The following CSGALNACT1 variants were observed in gnomAD, a reference collection of about 807,000 sequenced individuals.
The protein encoded by CSGALNACT1 is beta4GalNAcT-1.
CSGALNACT1 carries 52 observed loss-of-function variants against 51.0 expected under a neutral mutation model. That is an observed-to-expected ratio of 1.02 (90% CI 0.82 to 1.29). The LOEUF is 1.29. Ranked by LOEUF, CSGALNACT1 falls within the 50% of genes most tolerant of loss-of-function variation. The probability of loss-of-function intolerance (pLI) is 0.00; values close to 1 mark genes in which losing one functional copy is unlikely to be tolerated. For synonymous variants in CSGALNACT1, 341 were observed against 254.4 expected (o/e 1.34, Z -3.24); for missense variants, 935 against 679.2 (o/e 1.38, Z -4.19).
intron 3 of CSGALNACT1, among the ~76,000 whole-genome samples, chr8:19,587,230 G>A (rs890617438): frequency 6.6e-5 from 10 of 152,162 alleles, no homozygotes; most frequent in African/African-American, 2.2e-4. Flanking sequence ...CACAGAATCA[G>A]AAACTCTGGG....
At chr8:19,614,997 TG>T (rs1420254908) in intron 1 of CSGALNACT1, among the ~76,000 whole-genome samples, 2 of 152,158 alleles carry the variant, frequency 1.3e-5, no homozygotes, top group Non-Finnish European at 2.9e-5. Context: ...GTAAAACTGG[TG>T]AAGAAATGCT....
chr8:19,551,559 C>T (rs1233507021), intron 3 of CSGALNACT1, among the ~76,000 whole-genome samples: 2 of 152,188 alleles, frequency 1.3e-5, no homozygotes, highest in African/African-American at 2.4e-5. Flanking sequence ...CATGCTTCAG[C>T]GTTCGGCTTC....
intron 3 of CSGALNACT1, among the ~76,000 whole-genome samples, chr8:19,573,880 C>A (rs2043576186): frequency 6.6e-6 from 1 of 152,182 alleles, no homozygotes; most frequent in South Asian, 2.1e-4. Flanking sequence ...CTTAAGAGGA[C>A]TGGTTCCATC....
intron 1 of CSGALNACT1, among the ~76,000 whole-genome samples, chr8:19,619,144 A>C (rs1419044232): frequency 6.6e-6 from 1 of 151,850 alleles, no homozygotes; most frequent in Admixed American, 6.6e-5. Flanking sequence ...AGGAGCATCT[A>C]ATCACATTAG....
At chr8:19,557,637 C>G (rs1036375805) in intron 3 of CSGALNACT1, among the ~76,000 whole-genome samples, 1 of 152,306 alleles carries the variant, frequency 6.6e-6, no homozygotes, top group East Asian at 1.9e-4. Flanking sequence ...GTATTTTATT[C>G]AGGCTTTGCT....
chr8:19,525,624 A>C (rs2081520496), intron 3 of CSGALNACT1, among the ~76,000 whole-genome samples: 1 of 135,426 alleles, frequency 7.4e-6, no homozygotes, highest in African/African-American at 2.9e-5. Context: ...CCAAAAAAAA[A>C]AAAAAAAAAA....
chr8:19,431,466 T>C (rs1026625138), intron 6 of CSGALNACT1, among the ~76,000 whole-genome samples: 2 of 152,248 alleles, frequency 1.3e-5, no homozygotes, highest in East Asian at 1.9e-4. Flanking sequence ...GCATATTTCA[T>C]TGATTTTCGT....
intron 4 of CSGALNACT1, among the ~76,000 whole-genome samples, chr8:19,484,349 TC>T (rs1355052968): frequency 2.0e-5 from 3 of 152,192 alleles, no homozygotes; most frequent in African/African-American, 7.2e-5. Flanking sequence ...TTGGTACTAT[TC>T]AGTTTCAGGT....
At chr8:19,570,697 C>T (rs980909058) in intron 3 of CSGALNACT1, among the ~76,000 whole-genome samples, 1 of 152,122 alleles carries the variant, frequency 6.6e-6, no homozygotes, top group Non-Finnish European at 1.5e-5. Context: ...GGTAGGAGTT[C>T]GAGACCAGCT....
intron 8 of CSGALNACT1, among the ~76,000 whole-genome samples, chr8:19,409,553 G>A (rs1413560331): frequency 6.6e-6 from 1 of 151,840 alleles, no homozygotes; most frequent in Non-Finnish European, 1.5e-5. Context: ...ACACAAACAC[G>A]TATTCAGCTG....
At chr8:19,463,661 A>G (rs1401764189) in intron 4 of CSGALNACT1, among the ~76,000 whole-genome samples, 1 of 152,232 alleles carries the variant, frequency 6.6e-6, no homozygotes, top group African/African-American at 2.4e-5. Context: ...TTCGTGCACT[A>G]TGCAAATTAA....
intron 1 of CSGALNACT1, among the ~76,000 whole-genome samples, chr8:19,692,839 G>A (rs1028211596): frequency 6.6e-6 from 1 of 152,206 alleles, no homozygotes; most frequent in Non-Finnish European, 1.5e-5. Flanking sequence ...GAATCTGGCT[G>A]AGCTTCCAAC....
At chr8:19,493,049 CTTT>C (rs1563713533) in intron 4 of CSGALNACT1, among the ~76,000 whole-genome samples, 59 of 82,134 alleles carry the variant, frequency 7.2e-4, no homozygotes, top group African/African-American at 2.2e-3. Flanking sequence ...GCCTAAAATT[CTTT>C]TTTTGAAAAA....
intron 3 of CSGALNACT1, among the ~76,000 whole-genome samples, chr8:19,509,515 T>C (rs1563811633): frequency 1.3e-5 from 2 of 148,762 alleles, no homozygotes; most frequent in East Asian, 4.0e-4. Context: ...CTAGCTAATG[T>C]GGAGGCTGAG....
At chr8:19,737,430 T>A (rs1354756910) in intron 1 of CSGALNACT1, among the ~76,000 whole-genome samples, 1 of 152,146 alleles carries the variant, frequency 6.6e-6, no homozygotes, top group Non-Finnish European at 1.5e-5. Flanking sequence ...CAGGTGGGGA[T>A]CACAGTTTTC....
chr8:19,452,581 A>G (rs777270428), intron 5 of CSGALNACT1, among the ~76,000 whole-genome samples: 40 of 152,338 alleles, frequency 2.6e-4, no homozygotes, highest in Admixed American at 2.0e-3. Context: ...CAGAAGCGAT[A>G]GAAACAGAGC....
intron 1 of CSGALNACT1, among the ~76,000 whole-genome samples, chr8:19,703,010 C>A (rs116889021): frequency 0.038 from 5,711 of 152,208 alleles, 177 homozygotes; most frequent in Non-Finnish European, 0.052. Context: ...AACATGATCA[C>A]CGTGGACAGA....
intron 3 of CSGALNACT1, among the ~76,000 whole-genome samples, chr8:19,540,218 G>C (rs1020329107): frequency 6.6e-6 from 1 of 152,082 alleles, no homozygotes; most frequent in Non-Finnish European, 1.5e-5. Context: ...CTAAATACGT[G>C]ACCAGAACAT....
In CSGALNACT1 at chr8:19,473,789, T is replaced by G. The variant is rs574229060; in HGVS notation, c.635-15147A>C. Reference sequence around the variant, plus strand: ...CTATAAAGTTTAATCCACTGGATATTTGGGGAAAATATATATGTATTTCTG... The same window carrying G: ...CTATAAAGTTTAATCCACTGGATATGTGGGGAAAATATATATGTATTTCTG... On this transcript the variant is annotated intron_variant, in intron 4 of 9. Transcript: ENST00000454498. 2.0e-5 allele frequency among the ~76,000 whole-genome samples: 3 copies of G among 152,182 alleles called. 1 individual carries two copies. Among genetic ancestry groups the G allele is most frequent in the South Asian group, 4.1e-4 (2 of 4,830 alleles).
Sources: gnomAD v4.1 joint callset for allele counts (sites outside exome capture counted in the v4.1 genomes callset) on GRCh38, gnomAD v4.1.1 for gene constraint, MANE v1.5 for transcripts, NCBI Gene and HGNC (gene_info 2026-07-23, HGNC 2026-07-21) for gene names.